The following CSMD1 variants were observed in gnomAD, a reference collection of about 807,000 sequenced individuals.
The protein encoded by CSMD1 is CUB and sushi domain-containing protein 1.
CSMD1 carries 213 observed loss-of-function variants against 417.5 expected under a neutral mutation model. The ratio of observed to expected loss-of-function variants is 0.51; its 90% confidence interval spans 0.46 to 0.57. The LOEUF is 0.57. CSMD1 is among the 20% of genes least tolerant of loss of function. The pLI is 0.00. For missense variants in CSMD1, 6,923 were observed against 4,529.7 expected (o/e 1.53, Z -15.17); for synonymous variants, 2,862 against 1,736.8 (o/e 1.65, Z -16.11).
chr8:4,768,284 G>T (rs997902881), intron 1 of CSMD1, among the ~76,000 whole-genome samples: 3 of 151,884 alleles, frequency 2.0e-5, no homozygotes, highest in Admixed American at 6.6e-5. Flanking sequence ...GAGAGCACAG[G>T]TAAGAACCCA....
chr8:4,633,669 G>T (rs994866460), intron 2 of CSMD1, among the ~76,000 whole-genome samples: 17 of 152,124 alleles, frequency 1.1e-4, no homozygotes, highest in Non-Finnish European at 2.5e-4. Flanking sequence ...TGATTCTCCT[G>T]CCTCAGCCTC....
chr8:4,803,933 G>C (rs561233810), intron 1 of CSMD1, among the ~76,000 whole-genome samples: 2 of 152,104 alleles, frequency 1.3e-5, no homozygotes, highest in African/African-American at 4.8e-5. Context: ...CCATAAATAC[G>C]ATGGGCATTC....
chr8:4,137,091 T>C (rs997688606), intron 3 of CSMD1, among the ~76,000 whole-genome samples: 4 of 152,222 alleles, frequency 2.6e-5, no homozygotes, highest in Non-Finnish European at 5.9e-5. Flanking sequence ...AGTTGTCTGC[T>C]TATTTTGGGA....
At chr8:4,229,771 C>A (rs1262978458) in intron 3 of CSMD1, among the ~76,000 whole-genome samples, 1 of 152,140 alleles carries the variant, frequency 6.6e-6, no homozygotes, top group African/African-American at 2.4e-5. Flanking sequence ...CAATGCGACC[C>A]ACTAAGTGTT....
At chr8:3,275,360 C>T (rs904937578) in intron 26 of CSMD1, among the ~76,000 whole-genome samples, 3 of 152,104 alleles carry the variant, frequency 2.0e-5, no homozygotes, top group Admixed American at 6.6e-5. Context: ...CTGCCCTTAA[C>T]ATTTTTTCCT....
chr8:4,904,077 G>A (rs972813725), intron 1 of CSMD1, among the ~76,000 whole-genome samples: 10 of 152,052 alleles, frequency 6.6e-5, no homozygotes, highest in Non-Finnish European at 1.2e-4. Context: ...GACTTACCAT[G>A]GAAAAGAACC....
chr8:4,680,332 C>A (rs183405273), intron 1 of CSMD1, among the ~76,000 whole-genome samples: 3 of 152,280 alleles, frequency 2.0e-5, no homozygotes, highest in Admixed American at 2.0e-4. Context: ...TCTGAAAGCA[C>A]CGGGTCACTT....
chr8:3,508,424 T>C (rs868837501), intron 10 of CSMD1, among the ~76,000 whole-genome samples: 1 of 151,704 alleles, frequency 6.6e-6, no homozygotes, highest in Non-Finnish European at 1.5e-5. Context: ...AGTTAATGGG[T>C]GCAGCACACC....
intron 3 of CSMD1, among the ~76,000 whole-genome samples, chr8:4,187,481 T>C (rs970981044): frequency 1.3e-5 from 2 of 151,906 alleles, no homozygotes; most frequent in African/African-American, 4.8e-5. Context: ...CCGTCGCTAC[T>C]AAAAATACAA....
chr8:3,174,855 G>C lies in CSMD1; in HGVS notation c.5725+6255C>G, dbSNP rs1200801398. On this transcript the variant is annotated intron_variant, in intron 37 of 69. Transcript: ENST00000635120. ...TTTTATGTTGCATCAAACACTTAAAGAGAAGGCAGTTTATCACTTTAAAAA... is the reference window on the plus strand; with the variant it reads ...TTTTATGTTGCATCAAACACTTAAACAGAAGGCAGTTTATCACTTTAAAAA... Among the ~76,000 whole-genome samples, 10 of 151,956 alleles carry C rather than the reference G, an allele frequency of 6.6e-5. No individual in the cohort carries two copies. In the East Asian group the frequency reaches 1.9e-3, roughly 29 times the overall value.
chr8:4,156,962 C>A (rs1308483984), intron 3 of CSMD1, among the ~76,000 whole-genome samples: 1 of 152,098 alleles, frequency 6.6e-6, no homozygotes, highest in African/African-American at 2.4e-5. Flanking sequence ...AACTTTGCAA[C>A]TGCTTGGCAG....
At chr8:3,203,177 A>G (rs551663236) in intron 31 of CSMD1, among the ~76,000 whole-genome samples, 2 of 152,234 alleles carry the variant, frequency 1.3e-5, no homozygotes, top group East Asian at 1.9e-4. Context: ...TCTTAGGACT[A>G]TCATGCTCTA....
chr8:4,246,026 G>A (rs1215274265), intron 3 of CSMD1, among the ~76,000 whole-genome samples: 2 of 152,080 alleles, frequency 1.3e-5, no homozygotes, highest in East Asian at 3.9e-4. Context: ...TGTTGTTGTT[G>A]TTTGATTTTT....
At chr8:4,358,968 A>G (rs745348037) in intron 3 of CSMD1, among the ~76,000 whole-genome samples, 1 of 24,776 alleles carries the variant, frequency 4.0e-5, no homozygotes, top group African/African-American at 8.4e-4. Context: ...AGTCTTGTGC[A>G]CACACACACA....
At chr8:4,413,288 C>A (rs1447392280) in intron 3 of CSMD1, among the ~76,000 whole-genome samples, 2 of 152,176 alleles carry the variant, frequency 1.3e-5, no homozygotes, top group Non-Finnish European at 2.9e-5. Flanking sequence ...AATGACACAG[C>A]TTCTCCTTGG....
chr8:3,974,848 G>T lies in CSMD1; in HGVS notation c.818+23055C>A, dbSNP rs141890328. Among the ~76,000 whole-genome samples, 143 of 152,082 alleles carry T rather than the reference G, an allele frequency of 9.4e-4. 3 individuals carry two copies. The East Asian group carries it at 0.02, about 21-fold the overall frequency. ...TGCAATTAATGTTTTACCAGAGTAA[G>T]ATATAAAATCAGGTGTTATCATAAT... On this transcript the variant is annotated intron_variant, in intron 5 of 69. Transcript: ENST00000635120.
chr8:3,451,428 C>G (rs1034355818), intron 12 of CSMD1, among the ~76,000 whole-genome samples: 25 of 152,126 alleles, frequency 1.6e-4, no homozygotes, highest in East Asian at 1.3e-3. Context: ...AGGTGTTCTT[C>G]TAGGGTTTTT....
intron 3 of CSMD1, among the ~76,000 whole-genome samples, chr8:4,174,369 G>A (rs775049952): frequency 2.0e-5 from 3 of 152,098 alleles, no homozygotes; most frequent in Non-Finnish European, 2.9e-5. Context: ...GAGAGAGCAA[G>A]TCATTTGCGC....
intron 1 of CSMD1, among the ~76,000 whole-genome samples, chr8:4,679,041 C>A (rs1584934868): frequency 6.6e-6 from 1 of 152,294 alleles, no homozygotes; most frequent in East Asian, 1.9e-4. Flanking sequence ...CATTGTTTGC[C>A]CAGATCACAG....
Sources: allele counts gnomAD v4.1 joint callset (sites outside exome capture counted in the v4.1 genomes callset), GRCh38; gene constraint gnomAD v4.1.1; transcripts MANE v1.5; gene names NCBI Gene and HGNC (gene_info 2026-07-23, HGNC 2026-07-21).